HAUS6: variants seen among roughly 807,000 people sequenced by gnomAD.
HAUS6 encodes the protein HAUS augmin-like complex subunit 6.
HAUS6 carries 80 observed loss-of-function variants against 106.8 expected under a neutral mutation model. The ratio of observed to expected loss-of-function variants is 0.75; its 90% confidence interval spans 0.63 to 0.90. HAUS6 has a LOEUF of 0.90. HAUS6 is among the 40% of genes least tolerant of loss of function. HAUS6 has a pLI of 0.00. For synonymous variants in HAUS6, 356 were observed against 379.1 expected, an observed-to-expected ratio of 0.94 and a Z score of 0.71; for missense variants, 1,155 against 1,118.1, an observed-to-expected ratio of 1.03 and a Z score of -0.47.
intron 12 of HAUS6, among the ~76,000 whole-genome samples, chr9:19,067,261 CTT>C (rs1836780278): frequency 1.3e-5 from 2 of 152,162 alleles, no homozygotes; most frequent in African/African-American, 4.8e-5. Flanking sequence ...AAGGTATTAT[CTT>C]CTTTCATTAA....
rs765656040 is a variant in HAUS6, at chr9:19,058,535, G to A, written c.2232C>T (p.Asn744=). The A allele has an allele frequency of 1.3e-5, 21 of 1,582,052 alleles. No individual in the cohort carries two copies. Among genetic ancestry groups the A allele is most frequent in the Admixed American group, 1.7e-5 (1 of 57,206 alleles). The change falls in exon 16 of 17, where the codon AAC becomes AAT. Residue 744 remains asparagine, a synonymous_variant. Coordinates refer to ENST00000380502, the MANE Select transcript of HAUS6 (RefSeq NM_017645.5). The stretch of plus-strand genomic sequence containing the variant: ...ACATAGTTTTATTTGTGGAAGGTTT[G>A]TTACAAGAAACTTCTAAGTGGTCCA... ...KILDHLEVSC[N]KPSTNKTMLW...
chr9:19,098,228 A>G (rs747218941), intron 1 of HAUS6, among the ~76,000 whole-genome samples: 11 of 152,144 alleles, frequency 7.2e-5, no homozygotes, highest in Admixed American at 2.0e-4. Flanking sequence ...ATCATGAGTC[A>G]AGAGATTGAG....
At chr9:19,088,773 G>A (rs148245292) in intron 5 of HAUS6, among the ~76,000 whole-genome samples, 1 of 151,878 alleles carries the variant, frequency 6.6e-6, no homozygotes, top group East Asian at 1.9e-4. Context: ...AGCTACTCAG[G>A]AGCCTGAGGC....
intron 5 of HAUS6, among the ~76,000 whole-genome samples, chr9:19,087,585 T>C (rs1422703448): frequency 2.6e-5 from 4 of 152,172 alleles, no homozygotes; most frequent in Non-Finnish European, 4.4e-5. Flanking sequence ...CCAGGTGCAA[T>C]GGCTCACACC....
At chr9:19,085,592 AAG>A (rs895993815) in intron 7 of HAUS6, among the ~76,000 whole-genome samples, 1 of 151,394 alleles carries the variant, frequency 6.6e-6, no homozygotes, top group Non-Finnish European at 1.5e-5. Context: ...AATCACAACA[AAG>A]AGCTTGAGAG....
rs1032427300 is a variant in HAUS6 at position 19,086,133 on chromosome 9, G to A, written c.699+601C>T. ...TCAAGACCAGCTTGGCCAACATGGC[G>A]AAACCCTATCTCTACAAAAATACAA... On this transcript the variant is annotated intron_variant, in intron 7 of 16. Transcript: ENST00000380502. 4.0e-5 allele frequency among the ~76,000 whole-genome samples: 6 copies of A among 151,558 alleles called. No individual in the cohort carries two copies. The East Asian group carries it at 5.8e-4, about 15-fold the overall frequency.
chr9:19,077,742 T>C (rs1336323175), intron 10 of HAUS6, among the ~76,000 whole-genome samples: 3 of 152,012 alleles, frequency 2.0e-5, no homozygotes, highest in Non-Finnish European at 4.4e-5. Context: ...AATTCACAAA[T>C]TGCCATATAT....
At chr9:19,099,261 G>C (rs1456720371) in intron 1 of HAUS6, among the ~76,000 whole-genome samples, 1 of 151,268 alleles carries the variant, frequency 6.6e-6, no homozygotes, top group Non-Finnish European at 1.5e-5. Flanking sequence ...CTGCCTCCTG[G>C]GTTCACGCCA....
intron 7 of HAUS6, among the ~76,000 whole-genome samples, 179 bp downstream of exon 7, chr9:19,086,555 G>A (rs944768089): frequency 4.0e-5 from 6 of 151,732 alleles, no homozygotes; most frequent in African/African-American, 1.2e-4. Context: ...AAGAGGCAGA[G>A]GGTGTAGTGA....
At chr9:19,089,584 T>G in intron 4 of HAUS6, 25 bp from the exon 5 acceptor site, 1 of 1,583,670 alleles carries the variant, frequency 6.3e-7, no homozygotes. Flanking sequence ...AATAAGATTA[T>G]AGAAAACAGG....
At chr9:19,062,902 A>G (rs1000010902) in intron 14 of HAUS6, 106 bp downstream of exon 14, 1 of 828,372 alleles carries the variant, frequency 1.2e-6, no homozygotes, top group South Asian at 1.5e-5. Context: ...CTGGGCTCAA[A>G]TGTTCCTCTT....
chr9:19,059,809 A>T (rs926568291), intron 15 of HAUS6, among the ~76,000 whole-genome samples: 2 of 151,832 alleles, frequency 1.3e-5, no homozygotes, highest in Admixed American at 6.6e-5. Flanking sequence ...TTTTTTTTTT[A>T]AATGCTCAAA....
intron 1 of HAUS6, among the ~76,000 whole-genome samples, chr9:19,098,307 G>A (rs773785352): frequency 4.0e-5 from 6 of 151,878 alleles, no homozygotes; most frequent in East Asian, 1.9e-4. Context: ...GCGTGGTGGC[G>A]TGCACCTGTA....
At chr9:19,060,512 C>T (rs1297068112) in intron 14 of HAUS6, among the ~76,000 whole-genome samples, 2 of 152,196 alleles carry the variant, frequency 1.3e-5, no homozygotes, top group African/African-American at 4.8e-5. Context: ...AGAGGCAGTT[C>T]CAGTTGTGCA....
intron 7 of HAUS6, among the ~76,000 whole-genome samples, 155 bp downstream of exon 7, chr9:19,086,579 C>T (rs545006042): frequency 1.8e-4 from 27 of 150,512 alleles, no homozygotes; most frequent in South Asian, 8.4e-4. Context: ...AAAATCATGC[C>T]ACTGCACTCC....
intron 4 of HAUS6, 49 bp from the exon 5 acceptor site, chr9:19,089,608 A>T: frequency 7.0e-7 from 1 of 1,426,872 alleles, no homozygotes; most frequent in Non-Finnish European, 9.7e-7. Flanking sequence ...GTCTGATAGT[A>T]GTGGGTTATC....
At chr9:19,080,444 C>T in intron 9 of HAUS6, 35 bp downstream of exon 9, 1 of 1,412,570 alleles carries the variant, frequency 7.1e-7, no homozygotes, top group African/African-American at 1.4e-5. Context: ...CACCCTACTC[C>T]TCCCACAGTA....
At chr9:19,067,938 C>A (rs1836798612) in intron 12 of HAUS6, among the ~76,000 whole-genome samples, 1 of 151,948 alleles carries the variant, frequency 6.6e-6, no homozygotes, top group South Asian at 2.1e-4. Flanking sequence ...AGGTGAGCCA[C>A]CCACCTCAGC....
chr9:19,059,985 A>G (rs745441155), intron 15 of HAUS6, 103 bp downstream of exon 15: 3 of 838,600 alleles, frequency 3.6e-6, no homozygotes, highest in South Asian at 3.7e-5. Flanking sequence ...CAGCATAAAT[A>G]AACAGCCTTT....
Sources: gnomAD v4.1 joint callset for allele counts (sites outside exome capture counted in the v4.1 genomes callset) on GRCh38, gnomAD v4.1.1 for gene constraint, MANE v1.5 for transcripts, NCBI Gene and HGNC (gene_info 2026-07-23, HGNC 2026-07-21) for gene names.